IQSEC1: variants seen among roughly 807,000 people sequenced by gnomAD.
IQSEC1 encodes IQ motif and SEC7 domain-containing protein 1.
Under a neutral mutation model 91.0 loss-of-function variants are expected in IQSEC1, and 31 were observed. The observed-to-expected ratio is 0.34, with a 90% confidence interval of 0.26 to 0.46. The LOEUF (loss-of-function observed/expected upper bound fraction) is 0.46. Among genes scored for constraint, IQSEC1 ranks in the 20% least tolerant of loss-of-function variants. IQSEC1 has a pLI of 1.00. For missense variants in IQSEC1, 1,388 were observed against 1,575.6 expected, an observed-to-expected ratio of 0.88 and a Z score of 2.02; for synonymous variants, 699 against 662.6, an observed-to-expected ratio of 1.05 and a Z score of -0.84.
intron 2 of IQSEC1, among the ~76,000 whole-genome samples, chr3:13,136,780 T>C (rs984406232): frequency 6.6e-6 from 1 of 152,146 alleles, no homozygotes; most frequent in Admixed American, 6.5e-5. Context: ...TTTGACTGCA[T>C]GTAGATCGGG....
chr3:13,046,023 G>A (rs140395313), intron 1 of IQSEC1, among the ~76,000 whole-genome samples: 4 of 152,220 alleles, frequency 2.6e-5, no homozygotes, highest in African/African-American at 4.8e-5. Flanking sequence ...ACGTGTGTGC[G>A]TGTGAGATTA....
chr3:13,222,879 G>GT (rs1694688226), intron 1 of IQSEC1, among the ~76,000 whole-genome samples: 1 of 152,182 alleles, frequency 6.6e-6, no homozygotes, highest in African/African-American at 2.4e-5. Flanking sequence ...GGACTGGCTG[G>GT]TCCCCCATGG....
chr3:12,899,610 C>G lies in IQSEC1; in HGVS notation c.*1373G>C. ...GGCAGCGGGGGCTCCGCCGGGCACT[C>G]GTCGGCTGGGGTCACACGGGCCACG... On this transcript the variant is annotated 3_prime_UTR_variant, in exon 14 of 14. Transcript: ENST00000613206. 1 of 985,418 alleles carries G rather than the reference C, an allele frequency of 1.0e-6. No individual in the cohort carries two copies. Among genetic ancestry groups the G allele is most frequent in the South Asian group, 4.7e-5 (1 of 21,286 alleles). 61.0% of individuals were successfully genotyped at this position (985,418 alleles called of 1,614,324 possible). A position where few individuals can be genotyped will look rare whatever the true frequency, so the allele number is the denominator to read the frequency against.
intron 2 of IQSEC1, among the ~76,000 whole-genome samples, chr3:13,152,228 G>C (rs1361922452): frequency 2.0e-5 from 3 of 152,150 alleles, no homozygotes; most frequent in Admixed American, 6.5e-5. Flanking sequence ...CTTTGACCTA[G>C]TAATTCTACT....
At chr3:13,225,494 TA>T (rs1376116444) in intron 1 of IQSEC1, among the ~76,000 whole-genome samples, 2 of 152,182 alleles carry the variant, frequency 1.3e-5, no homozygotes, top group Non-Finnish European at 2.9e-5. Context: ...AAGTTCATCA[TA>T]AATAGGACTC....
chr3:13,225,304 AG>A (rs1694732989), intron 1 of IQSEC1, among the ~76,000 whole-genome samples: 2 of 152,220 alleles, frequency 1.3e-5, no homozygotes, highest in African/African-American at 4.8e-5. Flanking sequence ...CTGGGATGAA[AG>A]GCAATGGTAC....
At chr3:13,139,217 C>A (rs1706760161) in intron 2 of IQSEC1, among the ~76,000 whole-genome samples, 1 of 152,252 alleles carries the variant, frequency 6.6e-6, no homozygotes, top group Non-Finnish European at 1.5e-5. Flanking sequence ...ATCACTGCCT[C>A]CTTCCCATGG....
At chr3:13,186,583 C>T (rs1423800832) in intron 1 of IQSEC1, among the ~76,000 whole-genome samples, 2 of 152,228 alleles carry the variant, frequency 1.3e-5, no homozygotes, top group Non-Finnish European at 2.9e-5. Flanking sequence ...GGACCGCCTA[C>T]AGCTGCCTGA....
intron 3 of IQSEC1, among the ~76,000 whole-genome samples, chr3:12,934,693 GCC>G (rs1262352380): frequency 6.6e-6 from 1 of 152,158 alleles, no homozygotes; most frequent in Non-Finnish European, 1.5e-5. Flanking sequence ...CAAGTGCTCA[GCC>G]CTCCTCCCCT....
chr3:13,095,976 A>G (rs1705948518), intron 2 of IQSEC1, among the ~76,000 whole-genome samples: 1 of 151,760 alleles, frequency 6.6e-6, no homozygotes, highest in Non-Finnish European at 1.5e-5. Context: ...GGTGGGAAGA[A>G]CCCTCTGAGT....
intron 2 of IQSEC1, among the ~76,000 whole-genome samples, chr3:13,133,519 T>C (rs139090856): frequency 1.3e-5 from 2 of 152,310 alleles, no homozygotes; most frequent in Non-Finnish European, 2.9e-5. Flanking sequence ...CCTGCATTGG[T>C]CCTGAGGTCC....
At chr3:13,243,724 C>T (rs895834974) in intron 1 of IQSEC1, among the ~76,000 whole-genome samples, 1 of 151,126 alleles carries the variant, frequency 6.6e-6, no homozygotes, top group African/African-American at 2.4e-5. Context: ...TGGGCCCGCA[C>T]ATGCCTCTCT....
Position 12,901,211 on chromosome 3 carries a change from C to A in IQSEC1, c.3117G>T (p.Pro1039=). The A allele has an allele frequency of 6.5e-7, 1 of 1,545,702 alleles. No homozygotes were observed. The highest frequency in any genetic ancestry group is 1.2e-5 in the South Asian group (1 of 83,626). ...TQYCHMQNPP[P]YHHHHHHHPP... ...GGTGGTGGTGGTGGTGATGGTGGTA[C>A]GGGGGAGGGTTCTGCATGTGGCAGT... Residue 1039 remains proline, a synonymous_variant, in exon 14 of 14, where the codon CCG becomes CCT. Transcript: ENST00000613206.
intron 9 of IQSEC1, among the ~76,000 whole-genome samples, chr3:12,912,433 T>C (rs890295181): frequency 2.0e-5 from 3 of 152,104 alleles, no homozygotes; most frequent in African/African-American, 7.2e-5. Context: ...AGGGATTCGC[T>C]CAAGGTCAGG....
At position 12,900,988 on chromosome 3, in the gene IQSEC1, C is replaced by T; in HGVS notation, c.3340G>A (p.Val1114Met). 1 of 1,538,682 alleles carries T rather than the reference C, an allele frequency of 6.5e-7. No individual in the cohort carries two copies. Among genetic ancestry groups the T allele is most frequent in the Non-Finnish European group, 8.7e-7 (1 of 1,143,438 alleles). Residue 1114 changes from valine (V) to methionine (M), a missense_variant, in exon 14 of 14, where the codon GTG (valine) becomes ATG (methionine). By Grantham distance (21) the Val-to-Met change is conservative (BLOSUM62 1). This residue lies in a region of IQSEC1 where 329 missense variants were observed against 257.8 expected (regional missense o/e 1.28). Transcript: ENST00000613206. Reference protein sequence around the residue: ...KAKPSGISTIV With the variant: ...KAKPSGISTIM ...GGGACCCCTACCCAGGCTGTCTACA[C>T]AATTGTGCTGATGCCGCTGGGTTTG...
chr3:13,062,440 C>G (rs1161515315), intron 1 of IQSEC1, among the ~76,000 whole-genome samples: 1 of 152,162 alleles, frequency 6.6e-6, no homozygotes, highest in East Asian at 1.9e-4. Flanking sequence ...GTCTTCTGCC[C>G]CAAGTCACAC....
At position 13,266,351 on chromosome 3, in the gene IQSEC1, G is replaced by A. The variant is rs1364540599; in HGVS notation, c.272+16360C>T. Among the ~76,000 whole-genome samples, 4 of 152,304 alleles carry A rather than the reference G, an allele frequency of 2.6e-5. No homozygotes were observed. The East Asian group carries it at 5.8e-4, about 22-fold the overall frequency. ...AGACACAGCTTTCCCTGGAGGTCTC[G>A]AAAGTATTGAAGATGCCCAAGGAGC... On this transcript the variant is annotated intron_variant, in intron 1 of 15. Coordinates refer to the IQSEC1 transcript ENST00000648114.
intron 1 of IQSEC1, among the ~76,000 whole-genome samples, chr3:13,228,915 C>T (rs891711937): frequency 6.6e-6 from 1 of 152,236 alleles, no homozygotes; most frequent in African/African-American, 2.4e-5. Context: ...TCTGTCTCCT[C>T]TCTTTTCTCC....
Position 12,899,247 on chromosome 3 carries a change from C to A in IQSEC1, c.*1736G>T. On this transcript the variant is annotated 3_prime_UTR_variant, in exon 14 of 14. Transcript: ENST00000613206. ...ACACAGCCAGAGGGGGCTCCCCTCT[C>A]CTCCTGCCGTCCGGCCACGGCTCAC... The A allele has an allele frequency of 1.1e-6, 1 of 908,732 alleles. No homozygotes were observed. The allele number at this position is 908,732 out of a possible 1,614,324, so 56.3% of individuals were successfully genotyped here. A position where few individuals can be genotyped will look rare whatever the true frequency, so the allele number is the denominator to read the frequency against.
Sources: allele counts gnomAD v4.1 joint callset (sites outside exome capture counted in the v4.1 genomes callset), GRCh38; gene constraint gnomAD v4.1.1; regional missense constraint gnomAD v4.1.1; transcripts MANE v1.5; gene names NCBI Gene and HGNC (gene_info 2026-07-23, HGNC 2026-07-21).